Variants in SEMA3D observed in about 807,000 individuals in gnomAD.
SEMA3D encodes the protein semaphorin-3D.
SEMA3D carries 84 observed loss-of-function variants against 100.1 expected under a neutral mutation model. The ratio of observed to expected loss-of-function variants is 0.84; its 90% confidence interval spans 0.70 to 1.01. The LOEUF is 1.01. Ranked by LOEUF, SEMA3D falls within the 50% of genes least tolerant of loss-of-function variation. SEMA3D has a pLI of 0.00. For missense variants in SEMA3D, 875 were observed against 934.1 expected, an observed-to-expected ratio of 0.94 and a Z score of 0.82; for synonymous variants, 312 against 320.7, an observed-to-expected ratio of 0.97 and a Z score of 0.29.
chr7:85,211,902 AAC>A, the SEMA3D span, among the ~76,000 whole-genome samples: 1 of 152,162 alleles, frequency 6.6e-6, no homozygotes, highest in African/African-American at 2.4e-5. Context: ...TAATACATAA[AAC>A]ACACAAAAAT....
chr7:85,147,915 G>A (rs969258227), intron 2 of SEMA3D, among the ~76,000 whole-genome samples: 1 of 152,044 alleles, frequency 6.6e-6, no homozygotes, highest in African/African-American at 2.4e-5. Context: ...TCAACTGGGA[G>A]TGCACCCTGT....
intron 1 of SEMA3D, among the ~76,000 whole-genome samples, chr7:85,178,873 C>T (rs1443635344): frequency 2.0e-5 from 3 of 152,150 alleles, no homozygotes; most frequent in Non-Finnish European, 4.4e-5. Flanking sequence ...CTGCTGTGTG[C>T]AGCCTTGGAC....
At chr7:85,033,506 C>T (rs547226636) in intron 12 of SEMA3D, among the ~76,000 whole-genome samples, 221 of 152,162 alleles carry the variant, frequency 1.5e-3, no homozygotes, top group African/African-American at 5.0e-3. Context: ...ATAATGTAAC[C>T]AGGATGCATC....
At chr7:85,147,101 T>C (rs1443265424) in intron 2 of SEMA3D, among the ~76,000 whole-genome samples, 4 of 122,520 alleles carry the variant, frequency 3.3e-5, no homozygotes, top group South Asian at 2.8e-4. Flanking sequence ...TCTTTTTTTT[T>C]TTTTTTTTTT....
intron 2 of SEMA3D, among the ~76,000 whole-genome samples, chr7:85,125,656 CCTGATT>C (rs1233663624): frequency 6.6e-6 from 1 of 151,994 alleles, no homozygotes; most frequent in African/African-American, 2.4e-5. Context: ...ATCTACTGGT[CCTGATT>C]CTTTGTTTTT....
At chr7:85,192,681 G>A in the SEMA3D span, among the ~76,000 whole-genome samples, 6 of 152,096 alleles carry the variant, frequency 3.9e-5, no homozygotes, top group Admixed American at 1.3e-4. Flanking sequence ...ATGCACTGAT[G>A]TACTTTCATT....
chr7:85,013,490 A>T (rs1257404217), intron 16 of SEMA3D, among the ~76,000 whole-genome samples: 2 of 151,744 alleles, frequency 1.3e-5, no homozygotes. Context: ...ATTTTCCTTA[A>T]AAGAAAGGAG....
chr7:85,154,183 T>C (rs1197205083), intron 1 of SEMA3D, among the ~76,000 whole-genome samples: 1 of 152,016 alleles, frequency 6.6e-6, no homozygotes, highest in Non-Finnish European at 1.5e-5. Context: ...TCATATTTCC[T>C]GTGCCTGCTA....
At chr7:85,101,186 G>A (rs1788732896) in intron 3 of SEMA3D, among the ~76,000 whole-genome samples, 2 of 152,004 alleles carry the variant, frequency 1.3e-5, no homozygotes, top group South Asian at 4.1e-4. Flanking sequence ...TTTCAATCAG[G>A]CAATTCTATG....
chr7:85,018,615 TAA>T (rs932534665), intron 14 of SEMA3D, among the ~76,000 whole-genome samples: 4 of 151,802 alleles, frequency 2.6e-5, no homozygotes, highest in African/African-American at 9.7e-5. Context: ...TGCTTCCATA[TAA>T]GTCAAACTAG....
At chr7:85,056,221 C>A (rs1007666591) in intron 8 of SEMA3D, among the ~76,000 whole-genome samples, 2 of 152,132 alleles carry the variant, frequency 1.3e-5, no homozygotes, top group South Asian at 4.2e-4. Context: ...TAGTAAAAAT[C>A]TAGCACTGAT....
intron 1 of SEMA3D, among the ~76,000 whole-genome samples, chr7:85,155,622 T>C (rs1461980271): frequency 6.6e-6 from 1 of 152,194 alleles, no homozygotes; most frequent in Non-Finnish European, 1.5e-5. Context: ...GATTCACTTA[T>C]ACATTTAGGT....
chr7:85,128,176 T>TTTTAG, intron 2 of SEMA3D, among the ~76,000 whole-genome samples: 1 of 151,870 alleles, frequency 6.6e-6, no homozygotes, highest in Admixed American at 6.6e-5. Flanking sequence ...TTTTATTTTA[T>TTTTAG]TTTATTTTTG....
intron 1 of SEMA3D, among the ~76,000 whole-genome samples, chr7:85,184,307 C>T (rs1791481220): frequency 6.6e-6 from 1 of 152,112 alleles, no homozygotes; most frequent in Admixed American, 6.5e-5. Context: ...AGTTCGTGCC[C>T]TTACTAGCTT....
chr7:85,188,932 A>G (rs558490728), upstream of SEMA3D, among the ~76,000 whole-genome samples: 3 of 152,276 alleles, frequency 2.0e-5, no homozygotes, highest in Admixed American at 6.5e-5. Flanking sequence ...ATCCCATACA[A>G]AAGTGTTGGC....
chr7:85,212,081 CT>C, the SEMA3D span, among the ~76,000 whole-genome samples: 2 of 152,002 alleles, frequency 1.3e-5, no homozygotes, highest in Non-Finnish European at 2.9e-5. Context: ...TTTACTTAGG[CT>C]TAATAAATAC....
chr7:85,052,757 T>C (rs879356947), intron 9 of SEMA3D, among the ~76,000 whole-genome samples: 3 of 151,978 alleles, frequency 2.0e-5, no homozygotes, highest in Non-Finnish European at 4.4e-5. Context: ...TTATCTACAC[T>C]AATTGTCTAG....
chr7:85,160,886 A>G (rs1790728011), intron 1 of SEMA3D, among the ~76,000 whole-genome samples: 1 of 152,174 alleles, frequency 6.6e-6, no homozygotes, highest in African/African-American at 2.4e-5. Context: ...TTAATTTTTT[A>G]CTAGGAGAAG....
the SEMA3D span, among the ~76,000 whole-genome samples, chr7:85,226,905 T>C: frequency 6.6e-6 from 1 of 152,174 alleles, no homozygotes; most frequent in African/African-American, 2.4e-5. Context: ...GATTTATCTA[T>C]ACATCAGTGG....
Sources: allele counts gnomAD v4.1 joint callset (sites outside exome capture counted in the v4.1 genomes callset), GRCh38; gene constraint gnomAD v4.1.1; transcripts MANE v1.5; gene names NCBI Gene and HGNC (gene_info 2026-07-23, HGNC 2026-07-21).